The following CSMD1 variants were observed in gnomAD, a reference collection of about 807,000 sequenced individuals.
The protein encoded by CSMD1 is CUB and Sushi multiple domains 1, also known as CUB and sushi domain-containing protein 1.
CSMD1 carries 213 observed loss-of-function variants against 417.5 expected under a neutral mutation model. The ratio of observed to expected loss-of-function variants is 0.51; its 90% CI spans 0.46 to 0.57. The LOEUF is 0.57. CSMD1 is among the 20% of genes least tolerant of loss of function. The pLI is 0.00. For missense variants in CSMD1, 6,923 were observed against 4,529.7 expected, an observed-to-expected ratio of 1.53 and a Z score of -15.17; for synonymous variants, 2,862 against 1,736.8, an observed-to-expected ratio of 1.65 and a Z score of -16.11.
At chr8:3,767,724 G>T (rs753787257) in intron 5 of CSMD1, among the ~76,000 whole-genome samples, 1 of 152,082 alleles carries the variant, frequency 6.6e-6, no homozygotes, top group Non-Finnish European at 1.5e-5. Flanking sequence ...TATACTTTGC[G>T]TTAAGAGAAG....
intron 1 of CSMD1, among the ~76,000 whole-genome samples, chr8:4,821,327 T>G (rs891823500): frequency 6.6e-6 from 1 of 152,204 alleles, no homozygotes; most frequent in African/African-American, 2.4e-5. Context: ...AAGAATCCGT[T>G]AGTCAGAGAA....
chr8:4,270,086 T>C (rs1379164854), intron 3 of CSMD1, among the ~76,000 whole-genome samples: 1 of 152,174 alleles, frequency 6.6e-6, no homozygotes, highest in Non-Finnish European at 1.5e-5. Context: ...AGAAACATGA[T>C]CAGATCAATA....
At chr8:4,389,862 T>A (rs1336716382) in intron 3 of CSMD1, among the ~76,000 whole-genome samples, 1 of 152,176 alleles carries the variant, frequency 6.6e-6, no homozygotes, top group Non-Finnish European at 1.5e-5. Context: ...AAACTTTATA[T>A]ATCTCCCGCC....
At chr8:3,980,023 C>T (rs1813732169) in intron 5 of CSMD1, among the ~76,000 whole-genome samples, 1 of 152,234 alleles carries the variant, frequency 6.6e-6, no homozygotes, top group Admixed American at 6.5e-5. Flanking sequence ...TGTGTATTCA[C>T]ATGGCAATGG....
At chr8:3,292,955 T>A (rs200819243) in intron 25 of CSMD1, among the ~76,000 whole-genome samples, 8 of 152,030 alleles carry the variant, frequency 5.3e-5, no homozygotes, top group Non-Finnish European at 7.4e-5. Flanking sequence ...GATTTTGCAG[T>A]GGCTGGTACC....
intron 1 of CSMD1, among the ~76,000 whole-genome samples, chr8:4,928,535 C>G (rs941650772): frequency 1.3e-5 from 2 of 152,172 alleles, no homozygotes; most frequent in Non-Finnish European, 2.9e-5. Flanking sequence ...AGCTTCTTCT[C>G]TCTGAAATAA....
At chr8:4,430,753 G>A (rs767917018) in intron 2 of CSMD1, among the ~76,000 whole-genome samples, 65 of 152,030 alleles carry the variant, frequency 4.3e-4, no homozygotes, top group Non-Finnish European at 5.9e-4. Flanking sequence ...TCCACATAAT[G>A]TATGTTTATG....
intron 2 of CSMD1, among the ~76,000 whole-genome samples, chr8:4,430,830 A>C (rs1797832314): frequency 6.6e-6 from 1 of 152,148 alleles, no homozygotes; most frequent in Non-Finnish European, 1.5e-5. Context: ...TGTCACTGCA[A>C]ATACTTCACT....
At chr8:4,135,771 C>G (rs1483058281) in intron 3 of CSMD1, among the ~76,000 whole-genome samples, 1 of 151,996 alleles carries the variant, frequency 6.6e-6, no homozygotes, top group Non-Finnish European at 1.5e-5. Context: ...GAAAGAGAAA[C>G]TGATTAATGA....
At chr8:3,319,604 AAAG>A (rs1192772822) in intron 23 of CSMD1, among the ~76,000 whole-genome samples, 2 of 152,202 alleles carry the variant, frequency 1.3e-5, no homozygotes, top group Non-Finnish European at 2.9e-5. Flanking sequence ...TAACTTTTAA[AAAG>A]AAACATGAGA....
At chr8:4,865,143 C>T (rs954912105) in intron 1 of CSMD1, among the ~76,000 whole-genome samples, 1 of 151,644 alleles carries the variant, frequency 6.6e-6, no homozygotes, top group African/African-American at 2.4e-5. Context: ...TAACATTTTA[C>T]ACAACTAATC....
At chr8:4,008,632 A>G (rs1461079472) in intron 4 of CSMD1, among the ~76,000 whole-genome samples, 1 of 90,456 alleles carries the variant, frequency 1.1e-5, no homozygotes, top group Non-Finnish European at 2.0e-5. Flanking sequence ...TTTTTTTGAG[A>G]CAGGGTCTCG....
At chr8:4,151,605 G>T (rs1464637669) in intron 3 of CSMD1, among the ~76,000 whole-genome samples, 1 of 152,090 alleles carries the variant, frequency 6.6e-6, no homozygotes. Context: ...GTTTCTCATG[G>T]ATTGTGACAT....
chr8:4,087,723 C>T (rs1037169047), intron 3 of CSMD1, among the ~76,000 whole-genome samples: 14 of 152,232 alleles, frequency 9.2e-5, no homozygotes, highest in African/African-American at 3.1e-4. Flanking sequence ...CACTCTCAAC[C>T]GCACCCTTTC....
intron 1 of CSMD1, among the ~76,000 whole-genome samples, chr8:4,933,937 T>G (rs1807425900): frequency 6.6e-6 from 1 of 152,086 alleles, no homozygotes; most frequent in African/African-American, 2.4e-5. Flanking sequence ...ATAGGCAGAA[T>G]CACAATGTAT....
intron 3 of CSMD1, among the ~76,000 whole-genome samples, chr8:4,170,662 G>A (rs1350871081): frequency 3.3e-5 from 5 of 151,530 alleles, no homozygotes; most frequent in Admixed American, 3.3e-4. Flanking sequence ...AAGAGAAGTA[G>A]AATAAGTTGG....
At chr8:3,909,610 T>A (rs1465705579) in intron 5 of CSMD1, among the ~76,000 whole-genome samples, 3 of 152,094 alleles carry the variant, frequency 2.0e-5, no homozygotes, top group Admixed American at 6.5e-5. Context: ...AGGCCCTCTG[T>A]TAGGCTCAGG....
intron 23 of CSMD1, among the ~76,000 whole-genome samples, chr8:3,338,841 T>A (rs1480125504): frequency 6.6e-6 from 1 of 151,772 alleles, no homozygotes; most frequent in Non-Finnish European, 1.5e-5. Context: ...TTTATTTTTA[T>A]ATTTTTAATT....
chr8:3,775,383 C>T (rs1458373828), intron 5 of CSMD1, among the ~76,000 whole-genome samples: 1 of 152,162 alleles, frequency 6.6e-6, no homozygotes, highest in Admixed American at 6.5e-5. Flanking sequence ...TAGCAGGTAA[C>T]AGGCCCAGGT....
Sources: gnomAD v4.1 joint callset for allele counts (sites outside exome capture counted in the v4.1 genomes callset) on GRCh38, gnomAD v4.1.1 for gene constraint, MANE v1.5 for transcripts, NCBI Gene and HGNC (gene_info 2026-07-23, HGNC 2026-07-21) for gene names.